Variants in ASAP1 observed in about 807,000 individuals in gnomAD.
ASAP1 encodes arf-GAP with SH3 domain, ANK repeat and PH domain-containing protein 1.
ASAP1 carries 43 observed loss-of-function variants against 145.2 expected under a neutral mutation model. The observed-to-expected ratio is 0.30, with a 90% CI of 0.23 to 0.38. The LOEUF is 0.38. ASAP1 is among the 10% of genes least tolerant of loss of function. ASAP1 has a pLI of 1.00. For missense variants in ASAP1, 1,018 were observed against 1,355.3 expected (o/e 0.75, Z 3.91); for synonymous variants, 546 against 515.5 (o/e 1.06, Z -0.80).
At chr8:130,223,689 A>G (rs903942061) in intron 4 of ASAP1, among the ~76,000 whole-genome samples, 4 of 152,082 alleles carry the variant, frequency 2.6e-5, no homozygotes, top group African/African-American at 9.7e-5. Flanking sequence ...CTCATCTAGT[A>G]TCTGGTATAC....
intron 13 of ASAP1, among the ~76,000 whole-genome samples, chr8:130,142,235 C>T (rs938004274): frequency 1.3e-5 from 2 of 152,168 alleles, no homozygotes; most frequent in African/African-American, 4.8e-5. Context: ...ACTCTGCAGT[C>T]CAGCCTGGAA....
chr8:130,400,613 C>CT (rs1262038799), intron 2 of ASAP1, among the ~76,000 whole-genome samples: 2 of 137,840 alleles, frequency 1.5e-5, no homozygotes, highest in Non-Finnish European at 3.1e-5. Context: ...CGGTGAAACC[C>CT]GTCTCTACTA....
At chr8:130,352,092 T>C (rs1461829767) in intron 3 of ASAP1, among the ~76,000 whole-genome samples, 1 of 152,200 alleles carries the variant, frequency 6.6e-6, no homozygotes, top group Non-Finnish European at 1.5e-5. Context: ...AGAAACATTA[T>C]GGGAAGGTTT....
chr8:130,397,396 C>T (rs1347384237), intron 2 of ASAP1, among the ~76,000 whole-genome samples: 2 of 152,194 alleles, frequency 1.3e-5, no homozygotes, highest in East Asian at 1.9e-4. Context: ...CAGCCTTCGC[C>T]TCCCAAAGTG....
intron 24 of ASAP1, among the ~76,000 whole-genome samples, chr8:130,105,628 G>A (rs2097535697): frequency 6.6e-6 from 1 of 152,184 alleles, no homozygotes; most frequent in Non-Finnish European, 1.5e-5. Flanking sequence ...AGAGTGGAAA[G>A]CTTAAGTTAA....
At chr8:130,282,069 GA>G (rs36024310) in intron 3 of ASAP1, among the ~76,000 whole-genome samples, 55,186 of 127,832 alleles carry the variant, frequency 0.43, 10,841 homozygotes, top group East Asian at 0.64. Flanking sequence ...ACTCTGCCTC[GA>G]AAAAAAAAAA....
intron 3 of ASAP1, among the ~76,000 whole-genome samples, chr8:130,317,506 C>T (rs1823736850): frequency 6.6e-6 from 1 of 152,158 alleles, no homozygotes; most frequent in South Asian, 2.1e-4. Flanking sequence ...AGGGGCTGGA[C>T]CTGTCTGTGA....
At chr8:130,072,743 C>T (rs539764406) in intron 27 of ASAP1, among the ~76,000 whole-genome samples, 5 of 148,500 alleles carry the variant, frequency 3.4e-5, no homozygotes, top group African/African-American at 1.0e-4. Flanking sequence ...AGGAGCCCCA[C>T]CTTGTAGCCA....
chr8:130,311,042 A>G (rs1385813797), intron 3 of ASAP1, among the ~76,000 whole-genome samples: 2 of 152,234 alleles, frequency 1.3e-5, no homozygotes, highest in African/African-American at 4.8e-5. Context: ...AAGGGCTCCC[A>G]CAGTGGGGAG....
chr8:130,257,505 TA>T (rs908446288), intron 3 of ASAP1, among the ~76,000 whole-genome samples: 2 of 151,872 alleles, frequency 1.3e-5, no homozygotes, highest in African/African-American at 2.4e-5. Flanking sequence ...TAGGTCTGGT[TA>T]AAAAAAACAG....
chr8:130,354,371 G>A (rs928566824), intron 3 of ASAP1, among the ~76,000 whole-genome samples: 1 of 152,116 alleles, frequency 6.6e-6, no homozygotes, highest in Non-Finnish European at 1.5e-5. Context: ...CAGCAGGCCT[G>A]GTATGGAGCA....
chr8:130,277,137 T>A (rs1302299528), intron 3 of ASAP1, among the ~76,000 whole-genome samples: 1 of 152,124 alleles, frequency 6.6e-6, no homozygotes, highest in Non-Finnish European at 1.5e-5. Flanking sequence ...AATCTCCTAG[T>A]TGATTACGAT....
At chr8:130,137,318 T>C (rs2097597309) in intron 13 of ASAP1, among the ~76,000 whole-genome samples, 1 of 152,134 alleles carries the variant, frequency 6.6e-6, no homozygotes, top group Non-Finnish European at 1.5e-5. Context: ...GAAAAAAAAA[T>C]TAGGTGTCCT....
chr8:130,092,016 G>A lies in ASAP1; in HGVS notation c.2529C>T (p.Ser843=). ...GHKRTLSDPP[S]PLPHGPPNKG... is the part of the protein sequence containing the mutation. ...TGTTTGGGGGCCCATGAGGTAGTGG[G>A]CTGGGAGGGTCGGATAGGGTTCTCT... The change falls in exon 25 of 30, where the codon AGC becomes AGT. Residue 843 remains serine, a synonymous_variant. Transcript: ENST00000518721. 6.4e-7 allele frequency: 1 copy of A among 1,571,560 alleles called. No homozygotes were observed. Among genetic ancestry groups the A allele is most frequent in the Non-Finnish European group, 8.6e-7 (1 of 1,163,688 alleles).
intron 5 of ASAP1, among the ~76,000 whole-genome samples, chr8:130,213,898 T>G (rs1017384084): frequency 2.0e-5 from 3 of 152,184 alleles, no homozygotes; most frequent in Non-Finnish European, 2.9e-5. Context: ...CACACACGAC[T>G]GCCTGGCAAA....
intron 4 of ASAP1, among the ~76,000 whole-genome samples, chr8:130,218,095 C>T (rs540808471): frequency 2.4e-4 from 36 of 152,238 alleles, no homozygotes; most frequent in African/African-American, 8.4e-4. Flanking sequence ...GCCACACGAG[C>T]TCAACCGAGA....
chr8:130,226,571 G>A (rs1817601503), intron 4 of ASAP1, among the ~76,000 whole-genome samples: 1 of 152,170 alleles, frequency 6.6e-6, no homozygotes, highest in African/African-American at 2.4e-5. Flanking sequence ...TGACTTTGGA[G>A]TTGTTCTTTC....
At chr8:130,183,928 G>A (rs1814541114) in intron 7 of ASAP1, among the ~76,000 whole-genome samples, 1 of 152,104 alleles carries the variant, frequency 6.6e-6, no homozygotes, top group African/African-American at 2.4e-5. Flanking sequence ...GATGTCTCCA[G>A]GAAAGAAGAA....
chr8:130,164,034 T>C (rs527482651), intron 11 of ASAP1, among the ~76,000 whole-genome samples: 4 of 152,298 alleles, frequency 2.6e-5, no homozygotes, highest in African/African-American at 9.6e-5. Flanking sequence ...TACAGAAGCC[T>C]AAAATTTCTA....
Sources: allele counts gnomAD v4.1 joint callset (sites outside exome capture counted in the v4.1 genomes callset), GRCh38; gene constraint gnomAD v4.1.1; transcripts MANE v1.5; gene names NCBI Gene and HGNC (gene_info 2026-07-23, HGNC 2026-07-21).